Variants in DAB1 observed in about 807,000 individuals in gnomAD.
The protein encoded by DAB1 is disabled homolog 1.
In DAB1, 15 loss-of-function variants were observed where a neutral mutation model predicts 64.6. The observed-to-expected ratio is 0.23, with a 90% CI of 0.16 to 0.36. DAB1 has a LOEUF of 0.36. Ranked by LOEUF, DAB1 falls within the 10% of genes least tolerant of loss-of-function variation. The pLI, the probability that DAB1 is intolerant of heterozygous loss-of-function variation, is 1.00. For missense variants in DAB1, 596 were observed against 706.7 expected, an observed-to-expected ratio of 0.84 and a Z score of 1.78; for synonymous variants, 235 against 251.9, an observed-to-expected ratio of 0.93 and a Z score of 0.64.
chr1:58,503,583 C>T (rs1645942412), intron 3 of DAB1, among the ~76,000 whole-genome samples: 1 of 151,958 alleles, frequency 6.6e-6, no homozygotes, highest in African/African-American at 2.4e-5. Flanking sequence ...CTTTGGGAGG[C>T]GATTGTCATA....
chr1:57,440,183 T>C (rs113794631), intron 7 of DAB1, among the ~76,000 whole-genome samples: 16 of 152,362 alleles, frequency 1.1e-4, no homozygotes, highest in African/African-American at 3.6e-4. Flanking sequence ...CTTTGATTCC[T>C]TTCTGTATTT....
chr1:57,341,240 C>G (rs1219896462), intron 1 of DAB1, among the ~76,000 whole-genome samples: 5 of 152,150 alleles, frequency 3.3e-5, no homozygotes, highest in African/African-American at 9.7e-5. Flanking sequence ...TTCCCTACAT[C>G]CAAATGGAGA....
intron 3 of DAB1, among the ~76,000 whole-genome samples, chr1:58,471,889 T>C (rs1335946636): frequency 6.6e-6 from 1 of 152,186 alleles, no homozygotes; most frequent in Admixed American, 6.5e-5. Flanking sequence ...ATAAGCCAAT[T>C]AAATCTGTTT....
chr1:58,179,640 T>G (rs1656670306), intron 4 of DAB1, among the ~76,000 whole-genome samples: 1 of 152,132 alleles, frequency 6.6e-6, no homozygotes, highest in Non-Finnish European at 1.5e-5. Flanking sequence ...TAGAATTCCC[T>G]TAAGCCTTTT....
intron 6 of DAB1, among the ~76,000 whole-genome samples, chr1:57,749,547 T>C (rs1648454525): frequency 6.6e-6 from 1 of 152,158 alleles, no homozygotes. Context: ...GGAGTAGCCA[T>C]TGCCCCCAGT....
chr1:57,344,966 C>T (rs1336206972), intron 1 of DAB1, among the ~76,000 whole-genome samples: 2 of 152,150 alleles, frequency 1.3e-5, no homozygotes, highest in Non-Finnish European at 1.5e-5. Context: ...GTTATTATGC[C>T]TGTCATGTGC....
At chr1:58,494,810 C>T (rs1347133116) in intron 3 of DAB1, among the ~76,000 whole-genome samples, 1 of 152,210 alleles carries the variant, frequency 6.6e-6, no homozygotes, top group African/African-American at 2.4e-5. Flanking sequence ...AACACCTTTA[C>T]ACTGTTGGTG....
chr1:58,249,828 G>C (rs1570540087), intron 4 of DAB1, among the ~76,000 whole-genome samples: 1 of 152,294 alleles, frequency 6.6e-6, no homozygotes, highest in East Asian at 1.9e-4. Context: ...TCGCCCTGGC[G>C]CTCCGGCCAC....
chr1:57,964,109 G>C (rs1570098768), intron 5 of DAB1, among the ~76,000 whole-genome samples: 1 of 152,072 alleles, frequency 6.6e-6, no homozygotes, highest in South Asian at 2.1e-4. Flanking sequence ...GGAGGGGCTA[G>C]GGGTAACAGA....
At chr1:58,387,608 A>C (rs1644443192) in intron 3 of DAB1, among the ~76,000 whole-genome samples, 2 of 152,180 alleles carry the variant, frequency 1.3e-5, no homozygotes, top group Admixed American at 1.3e-4. Flanking sequence ...AGAATAAATG[A>C]AAAGTCTGTC....
At position 57,052,921 on chromosome 1, in the gene DAB1, G is replaced by A. The variant is rs3768199; in HGVS notation, c.723+9963C>T. On this transcript the variant is annotated intron_variant, in intron 9 of 14. Transcript: ENST00000371236. ...ATGTTCACTCTCTCATTATACTACC[G>A]TGCTCTTCCCCTTAATCATGAAACA... Among the ~76,000 whole-genome samples, 16 of 152,090 alleles carry A rather than the reference G, an allele frequency of 1.1e-4. No individual in the cohort carries two copies. In the East Asian group the frequency reaches 2.3e-3, roughly 22 times the overall value.
chr1:57,088,325 C>G (rs1223682398), intron 4 of DAB1, among the ~76,000 whole-genome samples: 3 of 152,172 alleles, frequency 2.0e-5, no homozygotes, highest in Non-Finnish European at 4.4e-5. Context: ...ACTGCCTCAG[C>G]CTCCCAAAGT....
intron 6 of DAB1, among the ~76,000 whole-genome samples, chr1:57,798,662 T>C (rs1259765574): frequency 5.3e-5 from 8 of 152,232 alleles, no homozygotes; most frequent in Admixed American, 3.9e-4. Flanking sequence ...CTATAACATG[T>C]CCTCTGGTGA....
At chr1:58,026,960 G>C (rs1415890375) in intron 5 of DAB1, among the ~76,000 whole-genome samples, 1 of 152,212 alleles carries the variant, frequency 6.6e-6, no homozygotes, top group East Asian at 1.9e-4. Flanking sequence ...CTTTGACTCT[G>C]TGGTAGAAGG....
intron 4 of DAB1, among the ~76,000 whole-genome samples, chr1:57,074,263 G>A (rs1651782980): frequency 6.6e-6 from 1 of 152,162 alleles, no homozygotes; most frequent in Admixed American, 6.5e-5. Context: ...GGTTTAAATA[G>A]TCCAAATAGG....
At chr1:57,338,736 T>G (rs1427037019) in intron 1 of DAB1, among the ~76,000 whole-genome samples, 1 of 152,194 alleles carries the variant, frequency 6.6e-6, no homozygotes, top group East Asian at 1.9e-4. Context: ...ACTATAGTCT[T>G]TGAAAACCAC....
chr1:58,133,022 CA>C (rs1173296767), intron 5 of DAB1, among the ~76,000 whole-genome samples: 4 of 152,144 alleles, frequency 2.6e-5, no homozygotes, highest in Non-Finnish European at 5.9e-5. Context: ...TATTTACATA[CA>C]AAAAGCTGAC....
chr1:58,106,866 C>T (rs939177033), intron 5 of DAB1, among the ~76,000 whole-genome samples: 3 of 137,866 alleles, frequency 2.2e-5, no homozygotes, highest in African/African-American at 5.7e-5. Flanking sequence ...TCCCTCCCTC[C>T]TTCCTCCTTC....
At chr1:58,532,193 G>C (rs928148655) in intron 1 of DAB1, among the ~76,000 whole-genome samples, 1 of 152,146 alleles carries the variant, frequency 6.6e-6, no homozygotes, top group Non-Finnish European at 1.5e-5. Flanking sequence ...AATCAAAACT[G>C]AGACTCCCAA....
Sources: gnomAD v4.1 joint callset for allele counts (sites outside exome capture counted in the v4.1 genomes callset) on GRCh38, gnomAD v4.1.1 for gene constraint, MANE v1.5 for transcripts, NCBI Gene and HGNC (gene_info 2026-07-23, HGNC 2026-07-21) for gene names.